SKAP1: variants seen among roughly 807,000 people sequenced by gnomAD.
SKAP1 encodes src kinase-associated phosphoprotein 1.
In SKAP1, 44 loss-of-function variants were observed where a neutral mutation model predicts 58.5. The observed-to-expected ratio is 0.75, with a 90% CI of 0.59 to 0.97. The LOEUF (loss-of-function observed/expected upper bound fraction) is 0.97. SKAP1 is among the 50% of genes least tolerant of loss of function. The pLI is 0.00. For synonymous variants in SKAP1, 127 were observed against 149.7 expected (o/e 0.85, Z 1.11); for missense variants, 390 against 435.2 (o/e 0.90, Z 0.92).
At position 48,315,553 on chromosome 17, in the gene SKAP1, A is replaced by T. The variant is rs76731113; in HGVS notation, c.280+30352T>A. Among the ~76,000 whole-genome samples, 207 of 152,316 alleles carry T rather than the reference A, an allele frequency of 1.4e-3. 4 individuals are homozygous for T. In the East Asian group the frequency reaches 0.037, roughly 28 times the overall value. On this transcript the variant is annotated intron_variant, in intron 4 of 12. Coordinates refer to ENST00000336915, the MANE Select transcript of SKAP1 (RefSeq NM_003726.4). ...TAAAAATTGATTTCCCCAACTGTAAATTTTTATTAGACACAACTATCCATT... is the reference window on the plus strand; with the variant it reads ...TAAAAATTGATTTCCCCAACTGTAATTTTTTATTAGACACAACTATCCATT...
At chr17:48,259,291 A>G (rs1411901018) in intron 4 of SKAP1, among the ~76,000 whole-genome samples, 1 of 152,112 alleles carries the variant, frequency 6.6e-6, no homozygotes, top group Admixed American at 6.6e-5. Context: ...ATAATTCAAA[A>G]TTCTCATATC....
chr17:48,262,039 T>C (rs2065491348), intron 4 of SKAP1, among the ~76,000 whole-genome samples: 1 of 152,214 alleles, frequency 6.6e-6, no homozygotes, highest in Non-Finnish European at 1.5e-5. Flanking sequence ...CAACTTCGAA[T>C]TGCCTGAAAT....
chr17:48,421,742 A>C (rs1422360916), intron 1 of SKAP1, among the ~76,000 whole-genome samples: 1 of 152,224 alleles, frequency 6.6e-6, no homozygotes, highest in East Asian at 1.9e-4. Context: ...TTCAACTGAA[A>C]CATCAGGGTA....
At chr17:48,374,006 A>G (rs1379804905) in intron 2 of SKAP1, among the ~76,000 whole-genome samples, 1 of 152,040 alleles carries the variant, frequency 6.6e-6, no homozygotes, top group African/African-American at 2.4e-5. Context: ...TCTCTTCTTA[A>G]TGACTTAAGG....
chr17:48,395,196 TATA>T (rs1375399717), intron 2 of SKAP1, among the ~76,000 whole-genome samples: 4 of 152,202 alleles, frequency 2.6e-5, no homozygotes, highest in Non-Finnish European at 4.4e-5. Flanking sequence ...GATTAAGAAG[TATA>T]ATAATATGCA....
At chr17:48,304,106 G>T (rs1435449905) in intron 4 of SKAP1, among the ~76,000 whole-genome samples, 3 of 152,166 alleles carry the variant, frequency 2.0e-5, no homozygotes. Flanking sequence ...GGGATGATTT[G>T]CTACATCTAA....
chr17:48,142,354 C>G (rs745970299), intron 11 of SKAP1, among the ~76,000 whole-genome samples: 5 of 152,044 alleles, frequency 3.3e-5, no homozygotes, highest in African/African-American at 1.2e-4. Context: ...CCCAGCTACT[C>G]GGGAAGCTGA....
At chr17:48,335,864 TA>T (rs2066561255) in intron 4 of SKAP1, among the ~76,000 whole-genome samples, 1 of 152,156 alleles carries the variant, frequency 6.6e-6, no homozygotes, top group South Asian at 2.1e-4. Flanking sequence ...AAGAAAGTAA[TA>T]TTTTTGAGGT....
chr17:48,281,725 T>C (rs1001065277), intron 4 of SKAP1, among the ~76,000 whole-genome samples: 1 of 152,130 alleles, frequency 6.6e-6, no homozygotes, highest in Non-Finnish European at 1.5e-5. Context: ...TCTAGTATAA[T>C]TTATTATCTT....
intron 5 of SKAP1, among the ~76,000 whole-genome samples, chr17:48,188,691 A>G (rs76251302): frequency 6.6e-6 from 1 of 151,942 alleles, no homozygotes; most frequent in Non-Finnish European, 1.5e-5. Context: ...ATCTTAAAAC[A>G]AAAAAAGAAA....
chr17:48,444,209 C>A, the SKAP1 span, among the ~76,000 whole-genome samples: 1 of 151,974 alleles, frequency 6.6e-6, no homozygotes, highest in Admixed American at 6.6e-5. Context: ...GCTTGGCCAA[C>A]GTGGTGAAAC....
chr17:48,372,695 C>T (rs1303972124), intron 2 of SKAP1, among the ~76,000 whole-genome samples: 3 of 152,106 alleles, frequency 2.0e-5, no homozygotes, highest in Admixed American at 2.0e-4. Context: ...GGCTGGAATG[C>T]AGTGGTGCAA....
At chr17:48,151,086 G>GA (rs369278460) in intron 11 of SKAP1, among the ~76,000 whole-genome samples, 227 of 130,376 alleles carry the variant, frequency 1.7e-3, no homozygotes, top group South Asian at 3.4e-3. Flanking sequence ...GACGCAGCAG[G>GA]AAAAAAAAAA....
chr17:48,251,619 C>A (rs2143878172), intron 4 of SKAP1, among the ~76,000 whole-genome samples: 1 of 152,238 alleles, frequency 6.6e-6, no homozygotes, highest in East Asian at 1.9e-4. Flanking sequence ...TGATTTAAAA[C>A]ATTTGGTTGG....
At chr17:48,425,905 G>A (rs1367770559) in intron 1 of SKAP1, among the ~76,000 whole-genome samples, 2 of 152,316 alleles carry the variant, frequency 1.3e-5, no homozygotes, top group East Asian at 3.9e-4. Flanking sequence ...ATAAAGTATG[G>A]TAATAGATAT....
At position 48,291,094 on chromosome 17, in the gene SKAP1, G is replaced by C. The variant is rs527592362; in HGVS notation, c.280+54811C>G. Among the ~76,000 whole-genome samples the C allele has an allele frequency of 1.4e-3, 219 of 152,248 alleles. 1 individual carries two copies. The highest frequency in any genetic ancestry group is 2.5e-3 in the Admixed American group (39 of 15,296). On this transcript the variant is annotated intron_variant, in intron 4 of 12. Transcript: ENST00000336915. ...TGATGGCACCACTGCACTCCAGCCTGGGTGACAGAGTAGACCCTGTCTTAA... is the reference window on the plus strand; with the variant it reads ...TGATGGCACCACTGCACTCCAGCCTCGGTGACAGAGTAGACCCTGTCTTAA...
At chr17:48,227,902 G>C (rs2065086636) in intron 4 of SKAP1, among the ~76,000 whole-genome samples, 1 of 152,144 alleles carries the variant, frequency 6.6e-6, no homozygotes, top group South Asian at 2.1e-4. Flanking sequence ...GCTAAATAGT[G>C]CTTAGAACTG....
chr17:48,259,935 A>G (rs2065467171), intron 4 of SKAP1, among the ~76,000 whole-genome samples: 1 of 152,162 alleles, frequency 6.6e-6, no homozygotes, highest in Non-Finnish European at 1.5e-5. Flanking sequence ...TTGGAAATGT[A>G]AAAGGAGGAG....
At chr17:48,317,825 C>T (rs1348141864) in intron 4 of SKAP1, among the ~76,000 whole-genome samples, 1 of 151,750 alleles carries the variant, frequency 6.6e-6, no homozygotes, top group Non-Finnish European at 1.5e-5. Context: ...AGTTAGAAGG[C>T]ATCATACAAA....
Sources: gnomAD v4.1 joint callset for allele counts (sites outside exome capture counted in the v4.1 genomes callset) on GRCh38, gnomAD v4.1.1 for gene constraint, MANE v1.5 for transcripts, NCBI Gene and HGNC (gene_info 2026-07-23, HGNC 2026-07-21) for gene names.